RIPPLY3: variants seen among roughly 807,000 people sequenced by gnomAD.
The protein encoded by RIPPLY3 is ripply transcriptional repressor 3.
Under a neutral mutation model 11.9 loss-of-function variants are expected in RIPPLY3, and 8 were observed. That is an observed-to-expected ratio of 0.67 (90% CI 0.40 to 1.21). The LOEUF is 1.21. Ranked by LOEUF, RIPPLY3 falls within the 50% of genes most tolerant of loss-of-function variation. RIPPLY3 has a pLI of 0.01. For missense variants in RIPPLY3, 271 were observed against 246.0 expected, an observed-to-expected ratio of 1.10 and a Z score of -0.68; for synonymous variants, 102 against 99.0, an observed-to-expected ratio of 1.03 and a Z score of -0.18.
At chr21:37,015,152 GTTTTGTTTTTGTTTTTGT>G (rs377507985) in intron 3 of RIPPLY3, among the ~76,000 whole-genome samples, 1 of 151,818 alleles carries the variant, frequency 6.6e-6, no homozygotes, top group African/African-American at 2.4e-5. Context: ...TCTGTTTTTT[GTTTTGTTTTTGTTTTTGT>G]TTTTGTTTTT....
intron 2 of RIPPLY3, among the ~76,000 whole-genome samples, chr21:37,012,508 T>G (rs1051806208): frequency 6.6e-6 from 1 of 152,110 alleles, no homozygotes; most frequent in African/African-American, 2.4e-5. Context: ...CCCAAAGTGC[T>G]GCCATTACAG....
In RIPPLY3 at chr21:37,006,814, G is replaced by A; in HGVS notation, c.42G>A (p.Gly14=). ...EAAAGARKAR[G]RGCHCPGDAP... ...CGGCCGGAGCCCGGAAGGCGCGGGGGCGCGGCTGTCACTGCCCCGGGGACG... is the reference window on the plus strand; with the variant it reads ...CGGCCGGAGCCCGGAAGGCGCGGGGACGCGGCTGTCACTGCCCCGGGGACG... Residue 14 remains glycine (G), a synonymous_variant, in exon 1 of 4, where the codon GGG becomes GGA. Coordinates refer to ENST00000329553, the MANE Select transcript of RIPPLY3 (RefSeq NM_018962.3). The surrounding 1 kb of genome is among the most constrained non-coding windows in gnomAD (Gnocchi z 5.2). 1.6e-6 allele frequency: 2 copies of A among 1,230,344 alleles called. No individual in the cohort carries two copies. Among genetic ancestry groups the A allele is most frequent in the Non-Finnish European group, 1.0e-6 (1 of 987,086 alleles). 76.2% of individuals were successfully genotyped at this position (1,230,344 alleles called of 1,614,324 possible). A position where few individuals can be genotyped will look rare whatever the true frequency, so the allele number is the denominator to read the frequency against.
intron 2 of RIPPLY3, among the ~76,000 whole-genome samples, chr21:37,013,249 G>A (rs1033642577): frequency 8.5e-5 from 13 of 152,176 alleles, no homozygotes; most frequent in African/African-American, 2.9e-4. Flanking sequence ...ATCTTACCGT[G>A]TGATGCTTTG....
chr21:37,015,094 G>A (rs2069564497), intron 3 of RIPPLY3, among the ~76,000 whole-genome samples: 1 of 152,184 alleles, frequency 6.6e-6, no homozygotes, highest in African/African-American at 2.4e-5. Flanking sequence ...TGCCTGGGTG[G>A]TTCTCCCAGG....
intron 2 of RIPPLY3, among the ~76,000 whole-genome samples, chr21:37,012,215 A>T (rs114690430): frequency 0.024 from 850 of 36,046 alleles, 6 homozygotes; most frequent in South Asian, 0.064. Context: ...CTCCTTATTT[A>T]TTATTATTAT....
At chr21:37,015,258 T>C (rs981895419) in intron 3 of RIPPLY3, among the ~76,000 whole-genome samples, 2 of 151,958 alleles carry the variant, frequency 1.3e-5, no homozygotes, top group Admixed American at 1.3e-4. Context: ...CCACCTCCCA[T>C]ATTCAAGCAA....
chr21:37,006,942 C>A lies in RIPPLY3; in HGVS notation c.104+66C>A. 1 of 980,008 alleles carries A rather than the reference C, an allele frequency of 1.0e-6. No individual in the cohort carries two copies. The highest frequency in any genetic ancestry group is 1.3e-6 in the Non-Finnish European group (1 of 764,394). The allele number at this position is 980,008 out of a possible 1,614,324, so 60.7% of individuals were successfully genotyped here. On this transcript the variant is annotated intron_variant, in intron 1 of 3. Coordinates refer to ENST00000329553, the MANE Select transcript of RIPPLY3 (RefSeq NM_018962.3). The surrounding 1 kb of genome is among the most constrained non-coding windows in gnomAD (Gnocchi z 5.2). ...GTGCGCGGTGGCGGTGCGGGGAGCG[C>A]AGCGAGCGGGAGGCTGGGGCGCTGC...
At chr21:37,012,885 G>C in intron 2 of RIPPLY3, among the ~76,000 whole-genome samples, 1 of 131,666 alleles carries the variant, frequency 7.6e-6, no homozygotes, top group South Asian at 2.3e-4. Flanking sequence ...TTTTTTTTGA[G>C]ACGGAGTGTC....
At chr21:37,006,599 C>T (rs1036585760), upstream of RIPPLY3, 1 of 376,138 alleles carries the variant, frequency 2.7e-6, no homozygotes. This position sits in a 1 kb window ranked among gnomAD's most constrained non-coding sequence, Gnocchi z 5.2. Context: ...CCTGCGGCCC[C>T]CTCCGCACCC....
At position 37,017,972 on chromosome 21, in the gene RIPPLY3, A is replaced by T; in HGVS notation, c.338A>T (p.Asp113Val). The part of the protein sequence containing the change: ...FPVQATIDFY[D>V]DESTESASEA... The stretch of plus-strand genomic sequence containing the variant: ...GTGCAAGCCACGATTGACTTCTACG[A>T]CGATGAGTCTACTGAGTCTGCTTCC... The change falls in exon 4 of 4, where the codon GAC (aspartate) becomes GTC (valine). Residue 113 changes from aspartate to valine, a missense_variant. Transcript: ENST00000329553. 1 of 1,614,206 alleles carries T rather than the reference A, an allele frequency of 6.2e-7. No individual in the cohort carries two copies. Among genetic ancestry groups the T allele is most frequent in the South Asian group, 1.1e-5 (1 of 91,080 alleles).
intron 2 of RIPPLY3, 33 bp from the exon 3 acceptor site, chr21:37,013,518 T>C (rs770414329): frequency 2.3e-5 from 37 of 1,596,746 alleles, no homozygotes; most frequent in Non-Finnish European, 3.0e-5. Context: ...ACTCCTGCAC[T>C]GTCTCTGTGT....
At chr21:37,011,653 C>G (rs560099243) in intron 2 of RIPPLY3, among the ~76,000 whole-genome samples, 2 of 152,170 alleles carry the variant, frequency 1.3e-5, no homozygotes, top group Non-Finnish European at 2.9e-5. Flanking sequence ...ACTTTCTTAG[C>G]TCATCACAGT....
intron 3 of RIPPLY3, among the ~76,000 whole-genome samples, chr21:37,015,530 C>T (rs7276161): frequency 0.29 from 44,556 of 152,044 alleles, 6,762 homozygotes; most frequent in South Asian, 0.41. Flanking sequence ...CAGCCATGCA[C>T]TGCACACTGG....
rs2069469969 is a variant in RIPPLY3 at position 37,006,884 on chromosome 21, T to C, written c.104+8T>C. 2.5e-6 allele frequency: 3 copies of C among 1,210,832 alleles called. No individual in the cohort carries two copies. Among genetic ancestry groups the C allele is most frequent in the African/African-American group, 3.1e-5 (2 of 63,678 alleles). 75.0% of individuals were successfully genotyped at this position (1,210,832 alleles called of 1,614,324 possible). A position where few individuals can be genotyped will look rare whatever the true frequency, so the allele number is the denominator to read the frequency against. ...ACCGCGCGGGCCGGAGAGGTGAGGG[T>C]GGCCCCGCGCCCCGGTGGACGCGCT... On this transcript the variant is annotated splice_region_variant and intron_variant, in intron 1 of 3. Coordinates refer to ENST00000329553, the MANE Select transcript of RIPPLY3 (RefSeq NM_018962.3). The surrounding 1 kb of genome is among the most constrained non-coding windows in gnomAD (Gnocchi z 5.2).
Position 37,017,511 on chromosome 21 carries a change from A to G in RIPPLY3, c.240-363A>G, listed in dbSNP as rs141002000. Among the ~76,000 whole-genome samples, 1,081 of 152,270 alleles carry G rather than the reference A, an allele frequency of 7.1e-3. 15 individuals are homozygous for G. Among genetic ancestry groups the G allele is most frequent in the African/African-American group, 0.024 (988 of 41,528 alleles). The stretch of plus-strand genomic sequence containing the variant: ...GAGTGGGGCTTCACCTAAATGGGAC[A>G]TCAATTATCCAAGAAGAGTCAAGTC... On this transcript the variant is annotated intron_variant, in intron 3 of 3. Transcript: ENST00000329553.
intron 1 of RIPPLY3, among the ~76,000 whole-genome samples, chr21:37,007,400 C>CT (rs895853940): frequency 0.034 from 2,910 of 86,264 alleles, 467 homozygotes; most frequent in African/African-American, 0.073. Flanking sequence ...AAGATTCCCT[C>CT]TTTTTTTTTT....
chr21:37,007,031 G>T (rs2069471806), intron 1 of RIPPLY3, among the ~76,000 whole-genome samples, 155 bp downstream of exon 1: 1 of 152,244 alleles, frequency 6.6e-6, no homozygotes, highest in Admixed American at 6.5e-5. Flanking sequence ...CTCCTGAGCC[G>T]GCAGCCGGGT....
intron 2 of RIPPLY3, among the ~76,000 whole-genome samples, chr21:37,010,992 A>AT (rs34506897): frequency 0.18 from 26,851 of 148,568 alleles, 2,617 homozygotes; most frequent in Non-Finnish European, 0.22. Context: ...TATTTATGGC[A>AT]TTTTTTTTTT....
At chr21:37,014,657 A>G (rs961352732) in intron 3 of RIPPLY3, among the ~76,000 whole-genome samples, 2 of 152,066 alleles carry the variant, frequency 1.3e-5, no homozygotes, top group Admixed American at 6.6e-5. Flanking sequence ...ACCCAAAGAC[A>G]CTCATGTGTA....
Sources: allele counts gnomAD v4.1 joint callset (sites outside exome capture counted in the v4.1 genomes callset), GRCh38; gene constraint gnomAD v4.1.1; non-coding constraint Gnocchi (gnomAD v3.1); transcripts MANE v1.5; gene names NCBI Gene and HGNC (gene_info 2026-07-23, HGNC 2026-07-21).